CDH23: variants seen among roughly 807,000 people sequenced by gnomAD.
The protein encoded by CDH23 is cadherin related 23.
A neutral mutation model predicts 317.1 loss-of-function variants in CDH23; 189 were observed. The observed-to-expected ratio is 0.60, with a 90% CI of 0.53 to 0.67. The LOEUF is 0.67. Ranked by LOEUF, CDH23 falls within the 30% of genes least tolerant of loss-of-function variation. CDH23 has a pLI of 0.00. For missense variants in CDH23, 4,401 were observed against 4,592.4 expected (o/e 0.96, Z 1.20); for synonymous variants, 1,839 against 1,876.8 (o/e 0.98, Z 0.52).
intron 9 of CDH23, among the ~76,000 whole-genome samples, chr10:71,611,353 T>C (rs998536125): frequency 6.6e-6 from 1 of 152,084 alleles, no homozygotes; most frequent in African/African-American, 2.4e-5. Flanking sequence ...TCAGCCTCAG[T>C]TCAGGGCAGC....
intron 32 of CDH23, among the ~76,000 whole-genome samples, chr10:71,733,491 C>T (rs1277532123): frequency 2.0e-5 from 3 of 152,214 alleles, no homozygotes; most frequent in Admixed American, 6.5e-5. Flanking sequence ...CAGCCCCAAC[C>T]GAGGACCCCA....
intron 1 of CDH23, among the ~76,000 whole-genome samples, chr10:71,431,874 G>A (rs530610665): frequency 2.0e-4 from 31 of 152,358 alleles, no homozygotes; most frequent in Non-Finnish European, 3.7e-4. Flanking sequence ...AGATGGTCAC[G>A]GTGGGGGCCC....
At chr10:71,638,275 G>A (rs577748705) in intron 11 of CDH23, among the ~76,000 whole-genome samples, 20 of 152,070 alleles carry the variant, frequency 1.3e-4, no homozygotes, top group Non-Finnish European at 2.6e-4. Flanking sequence ...ATTGCGTCAC[G>A]CCCCTGGGTC....
chr10:71,404,293 A>G (rs7903372), intron 1 of CDH23, among the ~76,000 whole-genome samples: 10,041 of 152,178 alleles, frequency 0.066, 433 homozygotes, highest in African/African-American at 0.11. Flanking sequence ...CTCCAGAAGT[A>G]ACTACTCTTC....
chr10:71,725,553 C>T, intron 30 of CDH23, 33 bp downstream of exon 30: 2 of 1,600,102 alleles, frequency 1.2e-6, no homozygotes, highest in Non-Finnish European at 1.7e-6. Flanking sequence ...GTGCTGACCT[C>T]AGGACGGGGC....
chr10:71,516,621 T>G (rs1231112241), intron 6 of CDH23, among the ~76,000 whole-genome samples: 1 of 152,184 alleles, frequency 6.6e-6, no homozygotes, highest in Non-Finnish European at 1.5e-5. Context: ...CCCAACACTG[T>G]TTTCTGCATG....
Position 71,797,200 on chromosome 10 carries a change from GCT to G in CDH23, c.6812_6813del (p.Ser2271CysfsTer17). ...GACAATGCCAGCGACCTACCAGAGC[GCT>G]CTGTCAGTGTGCCAAATGGTAAGGT... On this transcript the variant is annotated frameshift_variant, in exon 49 of 70. Transcript: ENST00000224721. LOFTEE classifies it high-confidence loss of function. 6.2e-7 allele frequency: 1 copy of G among 1,612,504 alleles called. No individual in the cohort carries two copies. The highest frequency in any genetic ancestry group is 8.5e-7 in the Non-Finnish European group (1 of 1,179,058).
At chr10:71,798,313 A>G (rs759006464) in intron 49 of CDH23, 41 bp from the exon 50 acceptor site, 1 of 1,478,286 alleles carries the variant, frequency 6.8e-7, no homozygotes, top group Non-Finnish European at 9.5e-7. Flanking sequence ...CAGCCACACT[A>G]GTGTCCTTCC....
intron 38 of CDH23, among the ~76,000 whole-genome samples, chr10:71,770,555 C>T (rs537012061): frequency 6.6e-6 from 1 of 152,358 alleles, no homozygotes; most frequent in African/African-American, 2.4e-5. Context: ...CCCACCCTCC[C>T]CTGGGAGACC....
At chr10:71,483,598 C>T (rs553901697) in intron 3 of CDH23, among the ~76,000 whole-genome samples, 1 of 152,308 alleles carries the variant, frequency 6.6e-6, no homozygotes, top group East Asian at 1.9e-4. Context: ...TTAATCACTG[C>T]AGTCATGGGA....
chr10:71,770,104 A>G (rs1720252590), intron 38 of CDH23, among the ~76,000 whole-genome samples: 1 of 152,182 alleles, frequency 6.6e-6, no homozygotes, highest in African/African-American at 2.4e-5. Flanking sequence ...AAGCTCACCA[A>G]TGCCTTCCCA....
chr10:71,686,334 G>A (rs376419057), intron 18 of CDH23, among the ~76,000 whole-genome samples: 1 of 152,050 alleles, frequency 6.6e-6, no homozygotes, highest in East Asian at 1.9e-4. Flanking sequence ...CACGCAGCTG[G>A]GGCATTGGAC....
chr10:71,398,712 C>A (rs894924355), intron 1 of CDH23, among the ~76,000 whole-genome samples: 4 of 152,000 alleles, frequency 2.6e-5, no homozygotes, highest in Admixed American at 2.6e-4. Context: ...TGGGAAGGGG[C>A]CCCTTGCCTG....
chr10:71,440,409 G>A (rs747659869), intron 2 of CDH23, among the ~76,000 whole-genome samples: 49 of 152,170 alleles, frequency 3.2e-4, no homozygotes, highest in Non-Finnish European at 2.1e-4. Flanking sequence ...AGATGGGCGC[G>A]GCTCCAGGGA....
rs528623945 is a variant in CDH23 at position 71,578,255 on chromosome 10, C to T, written c.832+263C>T. On this transcript the variant is annotated intron_variant, in intron 9 of 69. Coordinates refer to ENST00000224721, the MANE Select transcript of CDH23 (RefSeq NM_022124.6). ...TGCTTGGTGGGCACTGGGGGGTGGG[C>T]GCGTGTGCCGCTGTCCAAGGTCTGA... Among the ~76,000 whole-genome samples, 13 of 152,056 alleles carry T rather than the reference C, an allele frequency of 8.5e-5. No homozygotes were observed. The highest frequency in any genetic ancestry group is 1.9e-4 in the African/African-American group (8 of 41,394).
chr10:71,461,589 C>T lies in CDH23; in HGVS notation c.145+15194C>T, dbSNP rs370673636. Among the ~76,000 whole-genome samples the T allele has an allele frequency of 2.9e-3, 440 of 152,316 alleles. 10 individuals carry two copies. The South Asian group carries it at 0.044, about 15-fold the overall frequency. On this transcript the variant is annotated intron_variant, in intron 3 of 69. Coordinates refer to ENST00000224721, the MANE Select transcript of CDH23 (RefSeq NM_022124.6). ...CACCAGCCTTCTGTCATCTTTTGCACGATCCATGTCTCCTCCATGCTTGTA... is the reference window on the plus strand; with the variant it reads ...CACCAGCCTTCTGTCATCTTTTGCATGATCCATGTCTCCTCCATGCTTGTA...
chr10:71,716,047 G>A (rs1334194818), intron 28 of CDH23: 3 of 1,508,210 alleles, frequency 2.0e-6, no homozygotes, highest in East Asian at 2.5e-5. Flanking sequence ...GCAGGGAGAG[G>A]CGCAAGGAGC....
chr10:71,724,249 G>C, intron 29 of CDH23, 144 bp downstream of exon 29: 1 of 800,056 alleles, frequency 1.2e-6, no homozygotes, highest in East Asian at 2.7e-5. Context: ...GGAGGAAACA[G>C]GGACATTCTC....
In CDH23 at chr10:71,811,609, T is replaced by C; in HGVS notation, c.9278+19T>C. 1 of 1,613,852 alleles carries C rather than the reference T, an allele frequency of 6.2e-7. No individual in the cohort carries two copies. The highest frequency in any genetic ancestry group is 8.5e-7 in the Non-Finnish European group (1 of 1,179,862). The stretch of plus-strand genomic sequence containing the variant: ...GGACTGTGTGAGTGTCCCCCACCCC[T>C]GCCATCAGGGGGCCGACCACCTGCT... On this transcript the variant is annotated intron_variant, in intron 64 of 69. Coordinates refer to ENST00000224721, the MANE Select transcript of CDH23 (RefSeq NM_022124.6).
Sources: allele counts gnomAD v4.1 joint callset (sites outside exome capture counted in the v4.1 genomes callset), GRCh38; gene constraint gnomAD v4.1.1; transcripts MANE v1.5; gene names NCBI Gene and HGNC (gene_info 2026-07-23, HGNC 2026-07-21).